Variants in MARK4 observed in about 807,000 individuals in gnomAD.
The protein encoded by MARK4 is microtubule affinity regulating kinase 4.
MARK4 carries 19 observed loss-of-function variants against 81.5 expected under a neutral mutation model. The observed-to-expected ratio is 0.23, with a 90% confidence interval of 0.16 to 0.34. The LOEUF (loss-of-function observed/expected upper bound fraction) is 0.34, where lower values mean the gene tolerates loss of function less well. Among genes scored for constraint, MARK4 ranks in the 10% least tolerant of loss-of-function variants. The pLI is 1.00. For synonymous variants in MARK4, 436 were observed against 439.0 expected (o/e 0.99, Z 0.08); for missense variants, 772 against 1,058.8 (o/e 0.73, Z 3.76).
chr19:45,258,854 T>C lies in MARK4; in HGVS notation c.52-135T>C. 3.4e-6 allele frequency: 3 copies of C among 879,816 alleles called. No homozygotes were observed. In the South Asian group the frequency reaches 5.4e-5, roughly 16 times the overall value. 54.5% of individuals were successfully genotyped at this position (879,816 alleles called of 1,614,324 possible). On this transcript the variant is annotated intron_variant, in intron 1 of 16. Coordinates refer to ENST00000262891, the MANE Select transcript of MARK4 (RefSeq NM_001199867.2). ...TCTTTTTGTAGAGAAAGATGAAGGA[T>C]GCTTGGCTCTCTGGGGCCTGAGTTT...
At position 45,305,278 on chromosome 19, in the gene MARK4, C is replaced by G. The variant is rs1362332027; in HGVS notation, c.*2568C>G. The G allele has an allele frequency of 2.0e-5, 3 of 152,154 alleles. No individual in the cohort carries two copies. Among genetic ancestry groups the G allele is most frequent in the African/African-American group, 7.2e-5 (3 of 41,406 alleles). 9.4% of individuals were successfully genotyped at this position (152,154 alleles called of 1,614,324 possible). On this transcript the variant is annotated 3_prime_UTR_variant, in exon 17 of 17. Coordinates refer to ENST00000262891, the MANE Select transcript of MARK4 (RefSeq NM_001199867.2). ...CTGGGGACAGTACAGTAAAGAACAT[C>G]ACAGCATCTCACAGGTTCTGCATAC... is the stretch of plus-strand genomic sequence containing the variant.
At chr19:45,251,797 C>T (rs1264679326) in intron 1 of MARK4, among the ~76,000 whole-genome samples, 158 bp downstream of exon 1, 2 of 151,816 alleles carry the variant, frequency 1.3e-5, no homozygotes, top group African/African-American at 4.8e-5. Flanking sequence ...GGCCTCTCCA[C>T]CCTCCCCACC....
At chr19:45,255,069 G>C (rs1433388388) in intron 1 of MARK4, among the ~76,000 whole-genome samples, 1 of 152,128 alleles carries the variant, frequency 6.6e-6, no homozygotes, top group Non-Finnish European at 1.5e-5. Flanking sequence ...GTGTGTGGTG[G>C]TGCACTCCTG....
intron 2 of MARK4, 72 bp downstream of exon 2, chr19:45,259,261 G>C: frequency 6.5e-7 from 1 of 1,531,084 alleles, no homozygotes; most frequent in Non-Finnish European, 8.8e-7. Context: ...TGTTGATAGA[G>C]GTCAGGATTG....
chr19:45,268,637 C>T (rs895337761), intron 7 of MARK4, among the ~76,000 whole-genome samples: 2 of 151,418 alleles, frequency 1.3e-5, no homozygotes, highest in Non-Finnish European at 2.9e-5. Flanking sequence ...CTCAGCTACT[C>T]AGGAGGCTGA....
At chr19:45,296,911 G>A (rs1568503889) in intron 14 of MARK4, among the ~76,000 whole-genome samples, 1 of 152,178 alleles carries the variant, frequency 6.6e-6, no homozygotes, top group Non-Finnish European at 1.5e-5. Flanking sequence ...CTACCCAGGC[G>A]TGGTGCTGCA....
intron 8 of MARK4, among the ~76,000 whole-genome samples, chr19:45,274,644 A>C (rs1343133743): frequency 7.9e-5 from 12 of 151,934 alleles, no homozygotes; most frequent in Admixed American, 2.6e-4. Flanking sequence ...AAAACAAAAC[A>C]AAACAAACAA....
intron 13 of MARK4, among the ~76,000 whole-genome samples, chr19:45,292,913 G>A (rs531369807): frequency 5.3e-5 from 8 of 151,964 alleles, no homozygotes; most frequent in African/African-American, 1.9e-4. Context: ...GAATAAATCA[G>A]TGAAGGAGAA....
chr19:45,278,251 C>A (rs1233167334), intron 9 of MARK4, among the ~76,000 whole-genome samples: 1 of 152,136 alleles, frequency 6.6e-6, no homozygotes, highest in East Asian at 1.9e-4. Context: ...GGCTCACCCA[C>A]TCCCTGCCTT....
intron 1 of MARK4, among the ~76,000 whole-genome samples, chr19:45,251,958 C>G (rs753511272): frequency 6.6e-6 from 1 of 151,664 alleles, no homozygotes; most frequent in African/African-American, 2.4e-5. Context: ...TGTGCTAAGC[C>G]GTTTCCCCTC....
intron 1 of MARK4, among the ~76,000 whole-genome samples, chr19:45,258,231 C>T (rs138960764): frequency 0.022 from 3,362 of 151,798 alleles, 54 homozygotes; most frequent in Non-Finnish European, 0.034. Context: ...ATGATCCACC[C>T]ACCTCAGCCT....
intron 1 of MARK4, among the ~76,000 whole-genome samples, chr19:45,255,363 C>A (rs1970293733): frequency 6.6e-6 from 1 of 151,950 alleles, no homozygotes; most frequent in African/African-American, 2.4e-5. Flanking sequence ...GAGTTCAAGA[C>A]CAGCCTGGCC....
intron 1 of MARK4, among the ~76,000 whole-genome samples, chr19:45,254,569 C>T (rs1191168539): frequency 1.3e-5 from 2 of 152,252 alleles, no homozygotes; most frequent in Non-Finnish European, 2.9e-5. Flanking sequence ...GCCCTGTGAC[C>T]TTGGGGGAGG....
rs779413121 is a variant in MARK4, at chr19:45,280,624, C to T, written c.1166C>T (p.Ala389Val). 1.5e-5 allele frequency: 25 copies of T among 1,613,920 alleles called. No individual in the cohort carries two copies. Among genetic ancestry groups the T allele is most frequent in the South Asian group, 1.5e-4 (14 of 91,076 alleles). Residue 389 changes from alanine to valine, a missense_variant, in exon 12 of 17, where the codon GCG (alanine) becomes GTG (valine). Physicochemically the swap from Ala to Val is moderately conservative, Grantham distance 64. Around this residue, in one of 3 missense-constraint regions of MARK4, gnomAD observed 548 missense variants for 624.3 expected, o/e 0.88. Coordinates refer to ENST00000262891, the MANE Select transcript of MARK4 (RefSeq NM_001199867.2). ...APGLALARVR[A>V]PSDTTNGTSS... ...GGGCTGGCCCTGGCACGGGTGCGGG[C>T]GCCCAGCGACACCACCAACGGAACA...
At chr19:45,294,133 C>T (rs1166876793) in intron 13 of MARK4, among the ~76,000 whole-genome samples, 2 of 152,150 alleles carry the variant, frequency 1.3e-5, no homozygotes. Flanking sequence ...CCCCTCTTCT[C>T]CGGTCTCCAG....
rs570280691 is a variant in MARK4, at chr19:45,264,411, G to T, written c.356-273G>T. On this transcript the variant is annotated intron_variant, in intron 4 of 16. Coordinates refer to ENST00000262891, the MANE Select transcript of MARK4 (RefSeq NM_001199867.2). Reference sequence around the variant, plus strand: ...AGCTACTCGGGAGGCTGAGGCAGGAGAATCGCTTGAACCTGGGAGGGTGAG... The same window carrying T: ...AGCTACTCGGGAGGCTGAGGCAGGATAATCGCTTGAACCTGGGAGGGTGAG... Among the ~76,000 whole-genome samples the T allele has an allele frequency of 3.3e-3, 505 of 151,112 alleles. 2 individuals are homozygous for T. Among genetic ancestry groups the T allele is most frequent in the Non-Finnish European group, 5.5e-3 (370 of 67,884 alleles).
chr19:45,291,675 G>A (rs138689446), intron 13 of MARK4, among the ~76,000 whole-genome samples: 3,319 of 152,224 alleles, frequency 0.022, 57 homozygotes, highest in Non-Finnish European at 0.035. Flanking sequence ...CCAGCTACTC[G>A]GGAGGCTGAG....
chr19:45,276,823 TG>T (rs200571298), intron 8 of MARK4, among the ~76,000 whole-genome samples: 1,618 of 150,204 alleles, frequency 0.011, 34 homozygotes, highest in African/African-American at 0.037. Flanking sequence ...TTAGTAGAGA[TG>T]GGGTTTCGCC....
intron 14 of MARK4, among the ~76,000 whole-genome samples, chr19:45,296,717 G>C (rs2098088): frequency 0.64 from 96,947 of 152,044 alleles, 31,763 homozygotes; most frequent in African/African-American, 0.71. Flanking sequence ...ATTCTTCTCT[G>C]AGATCCAGGC....
Sources: gnomAD v4.1 joint callset for allele counts (sites outside exome capture counted in the v4.1 genomes callset) on GRCh38, gnomAD v4.1.1 for gene constraint, gnomAD v4.1.1 regional missense constraint, MANE v1.5 for transcripts, NCBI Gene and HGNC (gene_info 2026-07-23, HGNC 2026-07-21) for gene names.